Variants in P2RX4 observed in about 807,000 individuals in gnomAD.
P2RX4 encodes P2X purinoceptor 4.
Under a neutral mutation model 48.0 loss-of-function variants are expected in P2RX4, and 37 were observed. The ratio of observed to expected loss-of-function variants is 0.77; its 90% confidence interval spans 0.59 to 1.01. The LOEUF is 1.01. P2RX4 is among the 50% of genes least tolerant of loss of function. The pLI is 0.00. For missense variants in P2RX4, 501 were observed against 521.4 expected, an observed-to-expected ratio of 0.96 and a Z score of 0.38; for synonymous variants, 200 against 199.7, an observed-to-expected ratio of 1.00 and a Z score of -0.01.
Position 121,221,188 on chromosome 12 carries a change from GTGTGTGTGTT to G in P2RX4, c.283-723_283-714del, listed in dbSNP as rs1285951699. ...TGTTTGTGTGTGTGTGTGTGTGTGTGTGTGTGTGTTTTTAGTACAAAGTTTCACCATGTTG... is the reference window on the plus strand; with the variant it reads ...TGTTTGTGTGTGTGTGTGTGTGTGTGTTTAGTACAAAGTTTCACCATGTTG... On this transcript the variant is annotated intron_variant, in intron 2 of 11. Transcript: ENST00000337233. Among the ~76,000 whole-genome samples, 1,409 of 141,270 alleles carry G rather than the reference GTGTGTGTGTT, an allele frequency of 1.0e-2. 21 individuals carry two copies. Among genetic ancestry groups the G allele is most frequent in the African/African-American group, 0.037 (1,288 of 34,686 alleles). 92.7% of individuals were successfully genotyped at this position (141,270 alleles called of 152,430 possible).
At chr12:121,228,383 AAAATAT>A (rs1249792571) in intron 5 of P2RX4, 144 bp from the exon 6 acceptor site, 24 of 178,352 alleles carry the variant, frequency 1.3e-4, no homozygotes, top group African/African-American at 3.9e-4. Context: ...AAAAAAAAAA[AAAATAT>A]ATATATATAT....
At chr12:121,230,025 T>G (rs952490996) in intron 8 of P2RX4, among the ~76,000 whole-genome samples, 2 of 152,226 alleles carry the variant, frequency 1.3e-5, no homozygotes, top group African/African-American at 4.8e-5. Context: ...TTCAACCCAC[T>G]ACAGCTGATG....
rs377345412 is a variant in P2RX4 at position 121,221,892 on chromosome 12, C to T, written c.283-21C>T. On this transcript the variant is annotated intron_variant, in intron 2 of 11. Transcript: ENST00000337233. Reference sequence around the variant, plus strand: ...GTGAGTCCTCTGAGCGTGGCTTGCCCGTGCTGTCTCCCCTCTGCAGGAGGA... The same window carrying T: ...GTGAGTCCTCTGAGCGTGGCTTGCCTGTGCTGTCTCCCCTCTGCAGGAGGA... 257 of 1,612,390 alleles carry T rather than the reference C, an allele frequency of 1.6e-4. 1 individual carries two copies. Among genetic ancestry groups the T allele is most frequent in the African/African-American group, 1.3e-3 (97 of 74,992 alleles).
intron 2 of P2RX4, 27 bp from the exon 3 acceptor site, chr12:121,221,886 C>G (rs370476761): frequency 6.2e-7 from 1 of 1,609,450 alleles, no homozygotes; most frequent in Non-Finnish European, 8.5e-7. Context: ...CTGAGCGTGG[C>G]TTGCCCGTGC....
intron 2 of P2RX4, among the ~76,000 whole-genome samples, chr12:121,220,548 A>C (rs984514295): frequency 1.2e-4 from 19 of 152,096 alleles, no homozygotes; most frequent in African/African-American, 4.3e-4. Context: ...AGGCTGGAGA[A>C]TCGCTTGAAC....
In P2RX4 at chr12:121,228,755, T is replaced by G. The variant is rs562246604; in HGVS notation, c.636T>G (p.Thr212=). Residue 212 remains threonine, a synonymous_variant, in exon 7 of 12, where the codon ACT becomes ACG. Coordinates refer to ENST00000337233, the MANE Select transcript of P2RX4 (RefSeq NM_002560.3). The part of the protein sequence containing the change: ...KRNILPNITT[T]YLKSCIYDAK... ...ATATCCTTCCCAACATCACCACTACTTACCTCAAGTCGTGCATTTATGATG... is the reference window on the plus strand; with the variant it reads ...ATATCCTTCCCAACATCACCACTACGTACCTCAAGTCGTGCATTTATGATG... The G allele has an allele frequency of 6.2e-7, 1 of 1,614,024 alleles. No homozygotes were observed. Among genetic ancestry groups the G allele is most frequent in the Non-Finnish European group, 8.5e-7 (1 of 1,180,042 alleles).
In P2RX4 at chr12:121,229,944, C is replaced by A. The variant is rs913017365; in HGVS notation, c.884+845C>A. On this transcript the variant is annotated intron_variant, in intron 8 of 11. Transcript: ENST00000337233. The surrounding 1 kb of genome is among the most constrained non-coding windows in gnomAD (Gnocchi z 4.6). The stretch of plus-strand genomic sequence containing the variant: ...ACCTCATCTTAACAAATTACGTCTG[C>A]CAATATCCCATTTCCAAATAAGGTC... Among the ~76,000 whole-genome samples the A allele has an allele frequency of 2.0e-5, 3 of 152,170 alleles. No individual in the cohort carries two copies. The highest frequency in any genetic ancestry group is 4.4e-5 in the Non-Finnish European group (3 of 68,036).
chr12:121,220,219 C>A (rs1026695552), intron 2 of P2RX4, among the ~76,000 whole-genome samples: 1 of 152,128 alleles, frequency 6.6e-6, no homozygotes, highest in African/African-American at 2.4e-5. Flanking sequence ...ATCTGGTTGG[C>A]AGGGAATGTT....
At chr12:121,212,791 A>AATATATATATATATATATAT (rs779333692) in intron 1 of P2RX4, 3 of 60,496 alleles carry the variant, frequency 5.0e-5, no homozygotes, top group African/African-American at 2.3e-4. Context: ...CTCCATCTCA[A>AATATATATATATATATATAT]ATATATATAT....
At position 121,210,187 on chromosome 12, in the gene P2RX4, T is replaced by C; in HGVS notation, c.23T>C (p.Leu8Pro). MAGCCAA[L>P]AAFLFEYDTP... The stretch of plus-strand genomic sequence containing the variant: ...GCCATGGCGGGCTGCTGCGCCGCGC[T>C]GGCGGCCTTCCTGTTCGAGTACGAC... The change falls in exon 1 of 12, where the codon CTG becomes CCG. Residue 8 changes from leucine (L) to proline (P), a missense_variant. This residue lies in a region of P2RX4 where 295 missense variants were observed against 275.3 expected (regional missense o/e 1.07). Transcript: ENST00000337233. The C allele has an allele frequency of 6.5e-7, 1 of 1,534,052 alleles. No homozygotes were observed. Among genetic ancestry groups the C allele is most frequent in the Non-Finnish European group, 8.7e-7 (1 of 1,147,494 alleles).
chr12:121,210,152 G>A lies in P2RX4; in HGVS notation c.-13G>A, dbSNP rs768745997. The stretch of plus-strand genomic sequence containing the variant: ...CCAGACCGACTAGGGGACTGGGAGC[G>A]GGCGGCGCGGCCATGGCGGGCTGCT... On this transcript the variant is annotated 5_prime_UTR_variant, in exon 1 of 12. Coordinates refer to ENST00000337233, the MANE Select transcript of P2RX4 (RefSeq NM_002560.3). 4.6e-6 allele frequency: 7 copies of A among 1,520,370 alleles called. No homozygotes were observed. The highest frequency in any genetic ancestry group is 6.1e-6 in the Non-Finnish European group (7 of 1,140,620). 94.2% of individuals were successfully genotyped at this position (1,520,370 alleles called of 1,614,324 possible). A position where few individuals can be genotyped will look rare whatever the true frequency, so the allele number is the denominator to read the frequency against.
intron 5 of P2RX4, among the ~76,000 whole-genome samples, chr12:121,227,274 A>G (rs894623515): frequency 4.6e-5 from 7 of 152,216 alleles, no homozygotes; most frequent in African/African-American, 1.4e-4. Context: ...CACCTGGATC[A>G]GGGGAACATC....
chr12:121,211,524 AGAT>A lies in P2RX4; in HGVS notation c.134+1230_134+1232del, dbSNP rs371359164. ...ACAATTGAATACAACGCGAGAGAGA[AGAT>A]GATAATTACCTTGCCACCTGGGGCC... is the stretch of plus-strand genomic sequence containing the variant. On this transcript the variant is annotated intron_variant, in intron 1 of 11. Coordinates refer to ENST00000337233, the MANE Select transcript of P2RX4 (RefSeq NM_002560.3). Among the ~76,000 whole-genome samples the A allele has an allele frequency of 6.9e-4, 105 of 152,110 alleles. 1 individual carries two copies. In the East Asian group the frequency reaches 0.017, roughly 24 times the overall value.
chr12:121,212,554 G>A (rs1444115582), intron 1 of P2RX4, among the ~76,000 whole-genome samples: 11 of 148,348 alleles, frequency 7.4e-5, no homozygotes, highest in African/African-American at 2.0e-4. Flanking sequence ...TTGGGAGGCC[G>A]AGGCGGGTGG....
chr12:121,232,711 T>A lies in P2RX4; in HGVS notation c.1044+35T>A. 6.4e-7 allele frequency: 1 copy of A among 1,560,306 alleles called. No individual in the cohort carries two copies. The highest frequency in any genetic ancestry group is 8.8e-7 in the Non-Finnish European group (1 of 1,131,050). ...TTAGGCCCTGCCTTCACCCTCACGG[T>A]GAGGTGAGACCCTGGGCTGGGGTCC... On this transcript the variant is annotated intron_variant, in intron 10 of 11. Coordinates refer to ENST00000337233, the MANE Select transcript of P2RX4 (RefSeq NM_002560.3). The surrounding 1 kb of genome is among the most constrained non-coding windows in gnomAD (Gnocchi z 4.3).
Position 121,228,996 on chromosome 12 carries a change from T to G in P2RX4, c.781T>G (p.Cys261Gly). The G allele has an allele frequency of 6.2e-7, 1 of 1,614,114 alleles. No individual in the cohort carries two copies. Among genetic ancestry groups the G allele is most frequent in the East Asian group, 2.2e-5 (1 of 44,880 alleles). ...CATGGGCATCCAGGTCAACTGGGAC[T>G]GCAACCTGGACAGAGCCGCCTCCCT... ...GIMGIQVNWD[C>G]NLDRAASLCL... The change falls in exon 8 of 12, where the codon TGC becomes GGC. Residue 261 changes from cysteine to glycine, a missense_variant. Cys to Gly is a radical substitution (Grantham distance 159). Around this residue, in one of 3 missense-constraint regions of P2RX4, gnomAD observed 197 missense variants for 219.5 expected, o/e 0.90. Transcript: ENST00000337233.
At chr12:121,218,613 G>C (rs1024473884) in intron 2 of P2RX4, among the ~76,000 whole-genome samples, 1 of 152,166 alleles carries the variant, frequency 6.6e-6, no homozygotes, top group Non-Finnish European at 1.5e-5. Context: ...TGAGCTCTGG[G>C]AATGTCATGC....
At position 121,222,076 on chromosome 12, in the gene P2RX4, C is replaced by T. The variant is rs757525340; in HGVS notation, c.355-18C>T. On this transcript the variant is annotated intron_variant, in intron 3 of 11. Coordinates refer to ENST00000337233, the MANE Select transcript of P2RX4 (RefSeq NM_002560.3). ...GGCCGGGCCACGTGGACTTTCTTTT[C>T]GCTCCTTCTTTTTCCAGATTCCAGA... is the stretch of plus-strand genomic sequence containing the variant. 30 of 1,612,046 alleles carry T rather than the reference C, an allele frequency of 1.9e-5. No individual in the cohort carries two copies. Among genetic ancestry groups the T allele is most frequent in the East Asian group, 8.9e-5 (4 of 44,882 alleles).
chr12:121,225,944 A>G (rs1424024549), intron 5 of P2RX4, among the ~76,000 whole-genome samples: 2 of 151,842 alleles, frequency 1.3e-5, no homozygotes. Flanking sequence ...GATAACGATC[A>G]TGGCTCACTG....
Sources: allele counts gnomAD v4.1 joint callset (sites outside exome capture counted in the v4.1 genomes callset), GRCh38; gene constraint gnomAD v4.1.1; regional missense constraint gnomAD v4.1.1; non-coding constraint Gnocchi (gnomAD v3.1); transcripts MANE v1.5; gene names NCBI Gene and HGNC (gene_info 2026-07-23, HGNC 2026-07-21).